Variants in CRTAC1 observed in about 807,000 individuals in gnomAD.
The protein encoded by CRTAC1 is cartilage acidic protein 1, also known as acidic secreted protein in cartilage.
Under a neutral mutation model 67.8 loss-of-function variants are expected in CRTAC1, and 37 were observed. The observed-to-expected ratio is 0.55, with a 90% confidence interval of 0.42 to 0.72. CRTAC1 has a LOEUF of 0.72. CRTAC1 is among the 30% of genes least tolerant of loss of function. The probability of loss-of-function intolerance (pLI) is 0.00; values close to 1 mark genes in which losing one functional copy is unlikely to be tolerated. For synonymous variants in CRTAC1, 348 were observed against 371.0 expected (o/e 0.94, Z 0.71); for missense variants, 780 against 931.6 (o/e 0.84, Z 2.12).
chr10:97,902,738 T>C (rs1389576789), intron 7 of CRTAC1, among the ~76,000 whole-genome samples: 1 of 152,156 alleles, frequency 6.6e-6, no homozygotes, highest in East Asian at 1.9e-4. Context: ...TCTACCCGAC[T>C]TGGGCCTGCT....
At chr10:97,937,047 A>G (rs188556810) in intron 2 of CRTAC1, among the ~76,000 whole-genome samples, 1 of 152,364 alleles carries the variant, frequency 6.6e-6, no homozygotes, top group Admixed American at 6.5e-5. Flanking sequence ...TTTGCATCTC[A>G]GATGGGAGAA....
At chr10:97,949,885 T>C (rs61875765) in intron 2 of CRTAC1, among the ~76,000 whole-genome samples, 3,802 of 152,318 alleles carry the variant, frequency 0.025, 60 homozygotes, top group Non-Finnish European at 0.04. Context: ...ATACAGGGCT[T>C]GGCACAGAGC....
intron 14 of CRTAC1, chr10:97,878,801 A>G: frequency 2.1e-6 from 2 of 965,112 alleles, no homozygotes; most frequent in South Asian, 3.2e-5. Context: ...CTTGTCATCT[A>G]CATTAGGGAA....
intron 11 of CRTAC1, among the ~76,000 whole-genome samples, chr10:97,890,532 C>T (rs528054329): frequency 1.6e-4 from 25 of 152,278 alleles, no homozygotes; most frequent in Non-Finnish European, 2.2e-4. Context: ...GTATATGACA[C>T]GTAATAAAGG....
intron 11 of CRTAC1, among the ~76,000 whole-genome samples, chr10:97,890,297 G>T (rs914416691): frequency 3.5e-5 from 1 of 28,948 alleles, no homozygotes; most frequent in Non-Finnish European, 6.2e-5. Flanking sequence ...TTGTAGAAAG[G>T]GGGGTCTCGC....
At chr10:97,901,459 A>G (rs1314161450) in intron 8 of CRTAC1, 44 bp downstream of exon 8, 2 of 1,613,098 alleles carry the variant, frequency 1.2e-6, no homozygotes, top group Middle Eastern at 1.7e-4. Flanking sequence ...TCCTCCCACC[A>G]GCTGTCAAGG....
rs144487471 is a variant in CRTAC1, at chr10:97,936,215, C to T, written c.376G>A (p.Gly126Ser). 9.6e-4 allele frequency: 1,545 copies of T among 1,613,840 alleles called. 3 individuals are homozygous for T. Among genetic ancestry groups the T allele is most frequent in the Non-Finnish European group, 1.3e-3 (1,477 of 1,179,850 alleles). ...TTGAGGAAGTAGATCTCCTCCCGGC[C>T]GTCCCCGTCGATGTCGCAGGCTGTG... ...GVTACDIDGD[G>S]REEIYFLNTN... Residue 126 changes from glycine to serine, a missense_variant, in exon 3 of 15, where the codon GGC becomes AGC. Transcript: ENST00000370597.
chr10:97,991,328 A>C (rs1452984736), intron 2 of CRTAC1, among the ~76,000 whole-genome samples: 1 of 151,622 alleles, frequency 6.6e-6, no homozygotes, highest in African/African-American at 2.4e-5. Flanking sequence ...AGAAAGAATC[A>C]CTTAAACCCA....
intron 14 of CRTAC1, chr10:97,867,815 G>A (rs2050046396): frequency 6.6e-6 from 1 of 152,162 alleles, no homozygotes; most frequent in Non-Finnish European, 1.5e-5. Flanking sequence ...ACCACATGAG[G>A]GGATACTCAG....
In CRTAC1 at chr10:97,908,003, C is replaced by T. The variant is rs1358851923; in HGVS notation, c.850+10G>A. 5 of 1,613,774 alleles carry T rather than the reference C, an allele frequency of 3.1e-6. No homozygotes were observed. Among genetic ancestry groups the T allele is most frequent in the African/African-American group, 2.7e-5 (2 of 74,912 alleles). On this transcript the variant is annotated intron_variant, in intron 6 of 14. Coordinates refer to ENST00000370597, the MANE Select transcript of CRTAC1 (RefSeq NM_018058.7). The stretch of plus-strand genomic sequence containing the variant: ...GTCAGGGTGCACAGGGCATGGCTGC[C>T]TCCACTCACCAGCACTGGCCGCAGC...
chr10:97,865,634 C>T lies in CRTAC1; in HGVS notation c.1900G>A (p.Gly634Arg), dbSNP rs1328487403. The change falls in exon 15 of 15, where the codon GGA (glycine) becomes AGA (arginine). Residue 634 changes from glycine (G) to arginine (R), a missense_variant. Gly to Arg is a moderately radical substitution (Grantham distance 125). Transcript: ENST00000370597. The part of the protein sequence containing the change: ...AATAAAAAAA[G>R]AATAAPVLVD... ...AGGACCGGTGCAGCAGTGGCAGCTC[C>T]AGCAGCGGCAGCAGCAGCGGCAGTG... 1 of 1,612,226 alleles carries T rather than the reference C, an allele frequency of 6.2e-7. No homozygotes were observed. Among genetic ancestry groups the T allele is most frequent in the Non-Finnish European group, 8.5e-7 (1 of 1,179,386 alleles).
chr10:97,904,841 G>A, intron 6 of CRTAC1, 27 bp from the exon 7 acceptor site: 3 of 1,583,256 alleles, frequency 1.9e-6, no homozygotes, highest in Non-Finnish European at 2.6e-6. Flanking sequence ...GGAACTCTCA[G>A]GGCGGCATCC....
rs370424839 is a variant in CRTAC1, at chr10:97,917,556, C to G, written c.659G>C (p.Arg220Pro). The G allele has an allele frequency of 6.2e-7, 1 of 1,602,638 alleles. No individual in the cohort carries two copies. The highest frequency in any genetic ancestry group is 1.7e-5 in the Admixed American group (1 of 59,126). The change falls in exon 5 of 15, where the codon CGG (arginine) becomes CCG (proline). Residue 220 changes from arginine (R) to proline (P), a missense_variant. Coordinates refer to ENST00000370597, the MANE Select transcript of CRTAC1 (RefSeq NM_018058.7). ...EMDPEASDLSRGILALRDVAA... is the reference protein window; with the variant it reads ...EMDPEASDLSPGILALRDVAA... ...CACATCTCTGAGCGCCAGAATGCCC[C>G]GGGAGAGGTCACTGGCCTCAGGGTC... is the stretch of plus-strand genomic sequence containing the variant.
In CRTAC1 at chr10:97,966,815, T is replaced by C. The variant is rs1449294024; in HGVS notation, c.225-30449A>G. Among the ~76,000 whole-genome samples the C allele has an allele frequency of 2.6e-5, 4 of 152,254 alleles. No individual in the cohort carries two copies. In the South Asian group the frequency reaches 6.2e-4, roughly 24 times the overall value. ...GTCCCTCAGTGGGATTTGTCTGATG[T>C]TTTTCTCAGGGTTAGACTGGGGTTA... On this transcript the variant is annotated intron_variant, in intron 2 of 14. Transcript: ENST00000370597.
At chr10:98,010,139 A>T (rs1278156263) in intron 2 of CRTAC1, among the ~76,000 whole-genome samples, 1 of 151,740 alleles carries the variant, frequency 6.6e-6, no homozygotes, top group Non-Finnish European at 1.5e-5. Context: ...TCCTGGGTTC[A>T]AGCAATTCTT....
intron 14 of CRTAC1, among the ~76,000 whole-genome samples, chr10:97,873,298 C>T (rs1411909973): frequency 2.6e-5 from 4 of 152,288 alleles, no homozygotes; most frequent in South Asian, 2.1e-4. Context: ...GCTCTAAGAA[C>T]GAACATGGCA....
intron 2 of CRTAC1, among the ~76,000 whole-genome samples, chr10:97,965,354 T>G (rs1184210092): frequency 1.3e-5 from 2 of 152,220 alleles, no homozygotes; most frequent in Non-Finnish European, 1.5e-5. Flanking sequence ...ATTTTAAAGA[T>G]GAGGAAACTG....
chr10:98,018,637 A>G (rs528753994), intron 1 of CRTAC1, among the ~76,000 whole-genome samples: 3 of 152,328 alleles, frequency 2.0e-5, no homozygotes, highest in South Asian at 2.1e-4. Flanking sequence ...AAAGTCTTCC[A>G]GGGCAATTTT....
At chr10:98,023,003 G>A (rs1564939999) in intron 1 of CRTAC1, among the ~76,000 whole-genome samples, 1 of 152,122 alleles carries the variant, frequency 6.6e-6, no homozygotes, top group Non-Finnish European at 1.5e-5. Context: ...TATTTAAAAG[G>A]ATCCTCCCAG....
Sources: allele counts gnomAD v4.1 joint callset (sites outside exome capture counted in the v4.1 genomes callset), GRCh38; gene constraint gnomAD v4.1.1; transcripts MANE v1.5; gene names NCBI Gene and HGNC (gene_info 2026-07-23, HGNC 2026-07-21).